FAM185A: variants seen among roughly 807,000 people sequenced by gnomAD.
FAM185A encodes protein FAM185A.
Under a neutral mutation model 45.7 loss-of-function variants are expected in FAM185A, and 21 were observed. That is an observed-to-expected ratio of 0.46 (90% CI 0.33 to 0.66). FAM185A has a LOEUF of 0.66. Among genes scored for constraint, FAM185A ranks in the 30% least tolerant of loss-of-function variants. The pLI is 0.03. For synonymous variants in FAM185A, 117 were observed against 194.0 expected (o/e 0.60, Z 3.30); for missense variants, 305 against 485.4 (o/e 0.63, Z 3.49).
chr7:102,790,301 C>T (rs1020526621), intron 7 of FAM185A, among the ~76,000 whole-genome samples: 2 of 152,098 alleles, frequency 1.3e-5, no homozygotes, highest in South Asian at 2.1e-4. Flanking sequence ...AGGATGGCTA[C>T]GAAGTCACTA....
chr7:102,836,975 C>G, the FAM185A span, among the ~76,000 whole-genome samples: 1 of 152,206 alleles, frequency 6.6e-6, no homozygotes, highest in Non-Finnish European at 1.5e-5. Flanking sequence ...GTTGGTAATT[C>G]TGGAAAATAT....
At chr7:102,847,803 ATAGGTGT>A in the FAM185A span, among the ~76,000 whole-genome samples, 1 of 152,184 alleles carries the variant, frequency 6.6e-6, no homozygotes, top group Admixed American at 6.5e-5. Flanking sequence ...TGCTAAGATT[ATAGGTGT>A]GAACTACTGC....
At chr7:102,795,066 CATATCTTGATTAAAATGATGGTTAT>C (rs1796368806) in intron 7 of FAM185A, among the ~76,000 whole-genome samples, 1 of 152,144 alleles carries the variant, frequency 6.6e-6, no homozygotes, top group South Asian at 2.1e-4. Flanking sequence ...AGAACAGTTC[CATATCTTGATTAAAATGATGGTTAT>C]ATATGAATCT....
At chr7:102,758,063 A>G in intron 3 of FAM185A, 117 bp downstream of exon 3, 1 of 841,950 alleles carries the variant, frequency 1.2e-6, no homozygotes, top group Non-Finnish European at 1.8e-6. Context: ...AATGCATTTT[A>G]GTTCATAAGT....
chr7:102,806,349 T>C (rs1296271768), intron 7 of FAM185A, among the ~76,000 whole-genome samples: 1 of 152,088 alleles, frequency 6.6e-6, no homozygotes. Flanking sequence ...CACACTTGGC[T>C]AATTTTTGTA....
chr7:102,751,666 T>C (rs776927695), intron 1 of FAM185A, 26 bp from the exon 2 acceptor site: 21 of 1,533,592 alleles, frequency 1.4e-5, no homozygotes, highest in Non-Finnish European at 2.6e-6. Context: ...CAGTACTAAC[T>C]TGCTTTTTTC....
chr7:102,814,054 G>A (rs1163370515), downstream of FAM185A, among the ~76,000 whole-genome samples: 1 of 152,066 alleles, frequency 6.6e-6, no homozygotes, highest in Non-Finnish European at 1.5e-5. Context: ...ACTCAAAGGT[G>A]TCACAACACT....
the FAM185A span, among the ~76,000 whole-genome samples, chr7:102,837,031 C>A: frequency 2.6e-5 from 4 of 152,146 alleles, no homozygotes; most frequent in East Asian, 7.7e-4. Context: ...TTTTGGCTGC[C>A]CCAAAGGCTA....
intron 3 of FAM185A, among the ~76,000 whole-genome samples, chr7:102,760,577 T>C (rs1220111370): frequency 6.6e-6 from 1 of 151,996 alleles, no homozygotes; most frequent in Non-Finnish European, 1.5e-5. Flanking sequence ...GTCCTTAATC[T>C]GATAAAAATT....
chr7:102,776,160 T>C (rs1362934930), intron 5 of FAM185A, among the ~76,000 whole-genome samples: 2 of 144,618 alleles, frequency 1.4e-5, no homozygotes, highest in Non-Finnish European at 3.0e-5. Flanking sequence ...ATTTTTGGCA[T>C]AGTTTTCACC....
At chr7:102,845,223 C>T in the FAM185A span, among the ~76,000 whole-genome samples, 3 of 152,092 alleles carry the variant, frequency 2.0e-5, no homozygotes, top group African/African-American at 7.2e-5. Context: ...CATGACCAGC[C>T]CCCAACCAAG....
intron 4 of FAM185A, among the ~76,000 whole-genome samples, chr7:102,763,858 C>T (rs1424950125): frequency 6.6e-6 from 1 of 152,212 alleles, no homozygotes; most frequent in Non-Finnish European, 1.5e-5. Flanking sequence ...GATTTCCAGG[C>T]ACCAAGGGTG....
the FAM185A span, among the ~76,000 whole-genome samples, chr7:102,825,320 G>A: frequency 6.6e-6 from 1 of 152,188 alleles, no homozygotes; most frequent in African/African-American, 2.4e-5. Context: ...GTTATCATGA[G>A]AGTGGGACTG....
intron 1 of FAM185A, among the ~76,000 whole-genome samples, chr7:102,751,066 A>G (rs898163883): frequency 1.3e-5 from 2 of 152,098 alleles, no homozygotes; most frequent in African/African-American, 4.8e-5. Flanking sequence ...GGTGCATGCT[A>G]CCATGCCCGG....
At chr7:102,793,504 C>T (rs997064630) in intron 7 of FAM185A, among the ~76,000 whole-genome samples, 13 of 151,896 alleles carry the variant, frequency 8.6e-5, no homozygotes, top group African/African-American at 2.7e-4. Context: ...CCACTGCATC[C>T]GGCCGCTTTT....
the FAM185A span, among the ~76,000 whole-genome samples, chr7:102,844,751 A>G: frequency 1.3e-5 from 2 of 152,126 alleles, no homozygotes; most frequent in Non-Finnish European, 2.9e-5. Flanking sequence ...CCCACAGGTT[A>G]AGAGCCCAAT....
the FAM185A span, among the ~76,000 whole-genome samples, chr7:102,825,668 A>G: frequency 4.6e-5 from 7 of 152,350 alleles, no homozygotes; most frequent in South Asian, 1.2e-3. Flanking sequence ...TCTACAATAT[A>G]AGGACCAGTT....
chr7:102,783,551 C>CT (rs1795556647), intron 6 of FAM185A, among the ~76,000 whole-genome samples: 1 of 152,182 alleles, frequency 6.6e-6, no homozygotes, highest in South Asian at 2.1e-4. Context: ...TGAATGACTA[C>CT]TGGGTACATA....
the FAM185A span, among the ~76,000 whole-genome samples, chr7:102,840,927 G>C: frequency 6.6e-6 from 1 of 152,186 alleles, no homozygotes; most frequent in Non-Finnish European, 1.5e-5. Flanking sequence ...CTGTGAACCA[G>C]AGAGATCCTG....
Sources: gnomAD v4.1 joint callset for allele counts (sites outside exome capture counted in the v4.1 genomes callset) on GRCh38, gnomAD v4.1.1 for gene constraint, MANE v1.5 for transcripts, NCBI Gene and HGNC (gene_info 2026-07-23, HGNC 2026-07-21) for gene names.